SCART1: variants seen among roughly 807,000 people sequenced by gnomAD.
SCART1 encodes scavenger receptor family member expressed on T cells 1.
Under a neutral mutation model 36.2 loss-of-function variants are expected in SCART1, and 62 were observed. That is an observed-to-expected ratio of 1.71 (90% CI 1.40 to 2.12). The LOEUF is 2.12. Ranked by LOEUF, SCART1 falls within the 30% of genes most tolerant of loss-of-function variation. The pLI, the probability that SCART1 is intolerant of heterozygous loss-of-function variation, is 0.00. For synonymous variants in SCART1, 487 were observed against 238.7 expected (o/e 2.04, Z -9.59); for missense variants, 1,041 against 540.5 (o/e 1.93, Z -9.18).
At chr10:133,464,961 G>T (rs975243261) in intron 7 of SCART1, 50 bp downstream of exon 7, 3 of 702,798 alleles carry the variant, frequency 4.3e-6, no homozygotes, top group Non-Finnish European at 7.8e-6. Flanking sequence ...GGGGTGCCTG[G>T]GAAGAGGTTT....
chr10:133,465,912 A>G, intron 9 of SCART1: 1 of 675,954 alleles, frequency 1.5e-6, no homozygotes, highest in Non-Finnish European at 2.7e-6. Context: ...CCTTAGCAAA[A>G]GCAGCAGCAG....
chr10:133,467,558 G>A (rs1196974576), intron 11 of SCART1, among the ~76,000 whole-genome samples: 4 of 152,140 alleles, frequency 2.6e-5, no homozygotes, highest in East Asian at 3.8e-4. Context: ...AGTCCCCATC[G>A]GAGAGGCCTG....
chr10:133,467,458 A>C, intron 11 of SCART1, 105 bp downstream of exon 11: 1 of 616,120 alleles, frequency 1.6e-6, no homozygotes, highest in Middle Eastern at 4.3e-4. Flanking sequence ...TGGCTTCAGA[A>C]GGCTGCTGAC....
Position 133,467,183 on chromosome 10 carries a change from C to A in SCART1, c.2807-15C>A. 1.5e-6 allele frequency: 1 copy of A among 685,758 alleles called. No homozygotes were observed. Among genetic ancestry groups the A allele is most frequent in the Non-Finnish European group, 2.7e-6 (1 of 376,120 alleles). 42.5% of individuals were successfully genotyped at this position (685,758 alleles called of 1,614,324 possible). A position where few individuals can be genotyped will look rare whatever the true frequency, so the allele number is the denominator to read the frequency against. The stretch of plus-strand genomic sequence containing the variant: ...CACTGAGGGCCTGTGTGTGACCATG[C>A]TCACCTTGCCTCAGGTCTGGGAAGA... On this transcript the variant is annotated splice_polypyrimidine_tract_variant and intron_variant, in intron 10 of 11. Transcript: ENST00000640237.
At chr10:133,467,880 A>G (rs1014676693) in exon 12 of SCART1, 6 of 694,744 alleles carry the variant, frequency 8.6e-6, no homozygotes, top group African/African-American at 3.5e-5. Flanking sequence ...CTGGAGGGAC[A>G]GTCTATACGT....
chr10:133,467,215 G>A (rs180896183), exon 11 of SCART1: 1 of 701,454 alleles, frequency 1.4e-6, no homozygotes, highest in East Asian at 2.7e-5. Flanking sequence ...AAGATCCGAG[G>A]TATCTCCTGG....
chr10:133,467,958 T>C (rs1850782165), exon 12 of SCART1: 1 of 693,440 alleles, frequency 1.4e-6, no homozygotes, highest in Non-Finnish European at 2.6e-6. Context: ...CTGGAGGAGA[T>C]GACGTTGTAA....
chr10:133,457,817 C>T (rs1017383548), intron 3 of SCART1: 1 of 555,692 alleles, frequency 1.8e-6, no homozygotes. Flanking sequence ...ATCTAGGGGT[C>T]CTGGCTGCCG....
At chr10:133,456,683 G>A (rs374424060) in intron 2 of SCART1, 129 bp downstream of exon 2, 1 of 590,406 alleles carries the variant, frequency 1.7e-6, no homozygotes. Context: ...GGGAGGCTGT[G>A]GGTCTGGAGC....
Position 133,454,111 on chromosome 10 carries a change from C to CTG in SCART1, c.67+48_67+49insGT, listed in dbSNP as rs1850580297. ...CCATGGAACTTTCTGGAGGCATCAG[C>CTG]TCTGTTGATGCCCAGGCCCCGGGGC... is the stretch of plus-strand genomic sequence containing the variant. On this transcript the variant is annotated intron_variant, in intron 1 of 11. Coordinates refer to ENST00000640237, the Ensembl canonical transcript of SCART1. 15 of 702,336 alleles carry CTG rather than the reference C, an allele frequency of 2.1e-5. No individual in the cohort carries two copies. In the East Asian group the frequency reaches 4.0e-4, roughly 19 times the overall value. The allele number at this position is 702,336 out of a possible 1,614,324, so 43.5% of individuals were successfully genotyped here. A position where few individuals can be genotyped will look rare whatever the true frequency, so the allele number is the denominator to read the frequency against.
chr10:133,463,806 T>C (rs895018570), intron 6 of SCART1, among the ~76,000 whole-genome samples: 4 of 152,164 alleles, frequency 2.6e-5, no homozygotes, highest in African/African-American at 9.7e-5. Context: ...CTCAGACATG[T>C]ATCATTTCTT....
chr10:133,454,478 G>T (rs1296397980), intron 1 of SCART1, among the ~76,000 whole-genome samples: 2 of 152,172 alleles, frequency 1.3e-5, no homozygotes, highest in Non-Finnish European at 2.9e-5. Context: ...TTGAGCATGG[G>T]GTCCCATGGA....
At chr10:133,462,114 C>T (rs896659940) in intron 6 of SCART1, among the ~76,000 whole-genome samples, 3 of 152,228 alleles carry the variant, frequency 2.0e-5, no homozygotes, top group Non-Finnish European at 4.4e-5. Context: ...CTGCATCCCC[C>T]GGGTGGGGCG....
chr10:133,466,507 A>G (rs1850767787), intron 10 of SCART1, 126 bp downstream of exon 10: 2 of 585,100 alleles, frequency 3.4e-6, no homozygotes, highest in Non-Finnish European at 6.1e-6. Flanking sequence ...ATGCAGACCT[A>G]CCCCCAAAGT....
chr10:133,456,562 G>A lies in SCART1; in HGVS notation c.385+8G>A, dbSNP rs1850615543. The A allele has an allele frequency of 1.5e-6, 1 of 651,004 alleles. No individual in the cohort carries two copies. Among genetic ancestry groups the A allele is most frequent in the African/African-American group, 1.8e-5 (1 of 56,302 alleles). 40.3% of individuals were successfully genotyped at this position (651,004 alleles called of 1,614,324 possible). ...TGGTCGCGCTGTGCTCCAGTAAGTA[G>A]GGAGGAGTGAAGGGGACGGGGCTGA... On this transcript the variant is annotated splice_region_variant and intron_variant, in intron 2 of 11. Coordinates refer to ENST00000640237, the Ensembl canonical transcript of SCART1.
At chr10:133,464,989 A>G (rs1471245972) in intron 7 of SCART1, 78 bp downstream of exon 7, 1 of 700,852 alleles carries the variant, frequency 1.4e-6, no homozygotes, top group Non-Finnish European at 2.6e-6. Flanking sequence ...CTGACAGGTC[A>G]CTTACAGGGG....
Position 133,460,496 on chromosome 10 carries a change from A to ATATATATATATATATATTTTTT in SCART1, c.1969+327_1969+328insATATATATATATATATTTTTTT. Among the ~76,000 whole-genome samples, 3 of 136,006 alleles carry ATATATATATATATATATTTTTT rather than the reference A, an allele frequency of 2.2e-5. No homozygotes were observed. The South Asian group carries it at 8.2e-4, about 37-fold the overall frequency. 89.2% of individuals were successfully genotyped at this position (136,006 alleles called of 152,430 possible). A position where few individuals can be genotyped will look rare whatever the true frequency, so the allele number is the denominator to read the frequency against. On this transcript the variant is annotated intron_variant, in intron 6 of 11. Transcript: ENST00000640237. ...CATATATATATATATATATTTATATATTTTAAAAAATATTTTATATTTATT... is the reference window on the plus strand; with the variant it reads ...CATATATATATATATATATTTATATATATATATATATATATATTTTTTTTTTAAAAAATATTTTATATTTATT...
intron 1 of SCART1, among the ~76,000 whole-genome samples, chr10:133,455,577 CG>C (rs950982527): frequency 6.6e-6 from 1 of 151,998 alleles, no homozygotes; most frequent in African/African-American, 2.4e-5. Context: ...TCATTTTCCT[CG>C]GGGTGGCTGT....
intron 6 of SCART1, among the ~76,000 whole-genome samples, chr10:133,463,211 TACACACACACACACAG>T (rs1850722926): frequency 6.6e-6 from 1 of 150,816 alleles, no homozygotes; most frequent in Admixed American, 6.6e-5. Context: ...GGGGCTGAGG[TACACACACACACACAG>T]ACACACACAC....
Sources: gnomAD v4.1 joint callset for allele counts (sites outside exome capture counted in the v4.1 genomes callset) on GRCh38, gnomAD v4.1.1 for gene constraint, MANE v1.5 for transcripts, NCBI Gene and HGNC (gene_info 2026-07-23, HGNC 2026-07-21) for gene names.